The following ANKS1B variants were observed in gnomAD, a reference collection of about 807,000 sequenced individuals.
ANKS1B encodes the protein ankyrin repeat and sterile alpha motif domain containing 1B.
In ANKS1B, 36 loss-of-function variants were observed where a neutral mutation model predicts 148.3. The ratio of observed to expected loss-of-function variants is 0.24; its 90% CI spans 0.19 to 0.32. ANKS1B has a LOEUF of 0.32. ANKS1B is among the 10% of genes least tolerant of loss of function. ANKS1B has a pLI of 1.00. For missense variants in ANKS1B, 1,157 were observed against 1,542.6 expected, an observed-to-expected ratio of 0.75 and a Z score of 4.19; for synonymous variants, 542 against 560.8, an observed-to-expected ratio of 0.97 and a Z score of 0.47.
At position 99,414,487 on chromosome 12, in the gene ANKS1B, G is replaced by A. The variant is rs542934722; in HGVS notation, c.1576-14676C>T. ...GAAAATGTGGCACAGATACACCATG[G>A]AATACTATGCAGCCATAAAAAGGAT... On this transcript the variant is annotated intron_variant, in intron 11 of 26. Transcript: ENST00000683438. Among the ~76,000 whole-genome samples the A allele has an allele frequency of 1.7e-4, 26 of 152,252 alleles. No individual in the cohort carries two copies. In the East Asian group the frequency reaches 5.0e-3, roughly 29 times the overall value.
intron 1 of ANKS1B, among the ~76,000 whole-genome samples, chr12:99,838,160 T>C (rs1483911073): frequency 6.6e-6 from 1 of 152,212 alleles, no homozygotes; most frequent in African/African-American, 2.4e-5. Flanking sequence ...TCACATTTTC[T>C]TCATCCAATC....
At chr12:99,396,959 C>T (rs1028032595) in intron 12 of ANKS1B, among the ~76,000 whole-genome samples, 2 of 152,112 alleles carry the variant, frequency 1.3e-5, no homozygotes, top group Non-Finnish European at 2.9e-5. Context: ...TGGAACTAGT[C>T]ATTCAAATAA....
chr12:99,209,908 A>G (rs1055826020), intron 14 of ANKS1B, among the ~76,000 whole-genome samples: 4 of 151,970 alleles, frequency 2.6e-5, no homozygotes, highest in African/African-American at 9.7e-5. Context: ...TGTTAGCCCC[A>G]AGATAACCTC....
At chr12:99,555,806 C>T (rs55677266) in intron 9 of ANKS1B, among the ~76,000 whole-genome samples, 2,189 of 152,184 alleles carry the variant, frequency 0.014, 46 homozygotes, top group African/African-American at 0.05. Flanking sequence ...GGTAGATTAG[C>T]TTTTTGATGT....
At chr12:99,824,671 CT>C (rs1419600461) in intron 2 of ANKS1B, among the ~76,000 whole-genome samples, 1 of 152,068 alleles carries the variant, frequency 6.6e-6, no homozygotes, top group African/African-American at 2.4e-5. Context: ...CACTTTAACT[CT>C]GTCACTAAAC....
intron 3 of ANKS1B, 134 bp downstream of exon 3, chr12:99,812,021 A>C (rs1213221994): frequency 9.0e-7 from 1 of 1,114,690 alleles, no homozygotes; most frequent in Non-Finnish European, 1.2e-6. Flanking sequence ...AATTTTTCAA[A>C]TTTCTCCTTT....
chr12:99,158,342 A>T (rs1374110146), intron 14 of ANKS1B, among the ~76,000 whole-genome samples: 1 of 152,214 alleles, frequency 6.6e-6, no homozygotes, highest in Admixed American at 6.6e-5. Flanking sequence ...GGAGGGAAAG[A>T]AGAAACTGAC....
intron 8 of ANKS1B, among the ~76,000 whole-genome samples, chr12:99,755,469 G>A (rs1371473148): frequency 6.6e-6 from 1 of 151,684 alleles, no homozygotes; most frequent in Admixed American, 6.6e-5. Flanking sequence ...AATTGAAAAG[G>A]AGGGACTCCT....
At chr12:99,039,529 A>G (rs2099957585) in intron 17 of ANKS1B, among the ~76,000 whole-genome samples, 1 of 152,226 alleles carries the variant, frequency 6.6e-6, no homozygotes. Context: ...AAGGGCTGGT[A>G]AAAGGTGAAG....
intron 15 of ANKS1B, among the ~76,000 whole-genome samples, chr12:99,135,527 C>T (rs550353498): frequency 2.6e-5 from 4 of 152,098 alleles, no homozygotes; most frequent in African/African-American, 9.6e-5. Context: ...GAAAGGTCAC[C>T]GATAAAAGAA....
intron 8 of ANKS1B, among the ~76,000 whole-genome samples, chr12:99,733,732 G>T (rs1269160814): frequency 6.6e-6 from 1 of 152,148 alleles, no homozygotes; most frequent in African/African-American, 2.4e-5. Context: ...TAATTATCAA[G>T]ATCAAATTGA....
chr12:99,815,947 GTGTGCA>G (rs1308791045), intron 2 of ANKS1B, among the ~76,000 whole-genome samples: 2 of 151,234 alleles, frequency 1.3e-5, no homozygotes, highest in African/African-American at 4.9e-5. Context: ...CTATACACAT[GTGTGCA>G]TGTGTCTTTT....
At chr12:99,443,020 C>T (rs2095575882) in intron 11 of ANKS1B, among the ~76,000 whole-genome samples, 1 of 151,804 alleles carries the variant, frequency 6.6e-6, no homozygotes, top group South Asian at 2.1e-4. Context: ...TGAAATATCA[C>T]AGAACAGCTT....
chr12:98,977,237 GT>G lies in ANKS1B; in HGVS notation c.2778+75919del, dbSNP rs1232324945. Among the ~76,000 whole-genome samples, 15 of 152,228 alleles carry G rather than the reference GT, an allele frequency of 9.9e-5. No individual in the cohort carries two copies. In the South Asian group the frequency reaches 2.3e-3, roughly 23 times the overall value. ...ATTCCAGCAGCTTAGACATATTTTT[GT>G]ATGCTTTCAGTGCCCCAAATGTAAA... On this transcript the variant is annotated intron_variant, in intron 17 of 26. Coordinates refer to ENST00000683438, the MANE Select transcript of ANKS1B (RefSeq NM_001352186.2).
At chr12:99,488,311 A>G (rs2096520761) in intron 10 of ANKS1B, among the ~76,000 whole-genome samples, 1 of 152,112 alleles carries the variant, frequency 6.6e-6, no homozygotes, top group African/African-American at 2.4e-5. Flanking sequence ...TTCATTAGTT[A>G]TCTTCTCCTT....
chr12:99,887,262 T>A (rs2153744474), intron 1 of ANKS1B, among the ~76,000 whole-genome samples: 1 of 152,308 alleles, frequency 6.6e-6, no homozygotes, highest in South Asian at 2.1e-4. Context: ...ACGTGGCTAA[T>A]CCAAATCAAG....
chr12:99,877,855 T>G (rs762274352), intron 1 of ANKS1B, among the ~76,000 whole-genome samples: 3 of 152,106 alleles, frequency 2.0e-5, no homozygotes, highest in Non-Finnish European at 4.4e-5. Flanking sequence ...GCACAGGAGT[T>G]TGAGACCAGC....
chr12:99,357,646 T>C (rs1198270237), intron 12 of ANKS1B, among the ~76,000 whole-genome samples: 3 of 152,180 alleles, frequency 2.0e-5, no homozygotes, highest in Admixed American at 2.0e-4. Context: ...CTTGGTGGTT[T>C]TGCCTACTAT....
intron 17 of ANKS1B, among the ~76,000 whole-genome samples, chr12:98,896,398 C>A (rs933480058): frequency 6.6e-6 from 1 of 152,154 alleles, no homozygotes; most frequent in African/African-American, 2.4e-5. Context: ...TTAATTCTTA[C>A]AACTCTATGA....
Sources: gnomAD v4.1 joint callset for allele counts (sites outside exome capture counted in the v4.1 genomes callset) on GRCh38, gnomAD v4.1.1 for gene constraint, MANE v1.5 for transcripts, NCBI Gene and HGNC (gene_info 2026-07-23, HGNC 2026-07-21) for gene names.